The following PCDHGA1 variants were observed in gnomAD, a reference collection of about 807,000 sequenced individuals.
PCDHGA1 encodes the protein protocadherin gamma subfamily A, 1, also known as protocadherin gamma-A1.
Under a neutral mutation model 58.0 loss-of-function variants are expected in PCDHGA1, and 32 were observed. That is an observed-to-expected ratio of 0.55 (90% CI 0.42 to 0.74). The LOEUF is 0.74. PCDHGA1 is among the 30% of genes least tolerant of loss of function. The probability of loss-of-function intolerance (pLI) is 0.00; values close to 1 mark genes in which losing one functional copy is unlikely to be tolerated. For synonymous variants in PCDHGA1, 498 were observed against 501.1 expected (o/e 0.99, Z 0.08); for missense variants, 1,205 against 1,182.3 (o/e 1.02, Z -0.28).
At chr5:141,384,904 C>G (rs1780643857) in intron 1 of PCDHGA1, 1 of 1,613,886 alleles carries the variant, frequency 6.2e-7, no homozygotes, top group Admixed American at 1.7e-5. Context: ...TGACAGCATC[C>G]CCGAAGTCTT....
Position 141,332,094 on chromosome 5 carries a change from C to A in PCDHGA1, c.1410C>A (p.Ser470=), listed in dbSNP as rs894886972. Residue 470 remains serine (S), a synonymous_variant, in exon 1 of 4, where the codon TCC becomes TCA. Transcript: ENST00000517417. The surrounding 1 kb of genome is among the most constrained non-coding windows in gnomAD (Gnocchi z 4.6). Reference sequence around the variant, plus strand: ...CCGAAAACAACCCCAGAGGAGCCTCCATCTTCTCTGTGAGGGCCCACGACT... The same window carrying A: ...CCGAAAACAACCCCAGAGGAGCCTCAATCTTCTCTGTGAGGGCCCACGACT... ...YIPENNPRGA[S]IFSVRAHDLD... is the part of the protein sequence containing the mutation. 3.1e-6 allele frequency: 5 copies of A among 1,614,164 alleles called. No homozygotes were observed. The highest frequency in any genetic ancestry group is 4.2e-6 in the Non-Finnish European group (5 of 1,180,022).
At chr5:141,361,859 T>C in intron 1 of PCDHGA1, 4 of 1,612,236 alleles carry the variant, frequency 2.5e-6, no homozygotes, top group Non-Finnish European at 3.4e-6. Flanking sequence ...TCCGCCCTCT[T>C]CGATATGGTG....
intron 1 of PCDHGA1, chr5:141,333,404 A>C: frequency 2.2e-6 from 1 of 455,120 alleles, no homozygotes; most frequent in Non-Finnish European, 3.6e-6. Context: ...TCTAGCTTCT[A>C]ACATTTTCTT....
intron 1 of PCDHGA1, chr5:141,351,499 C>A: frequency 6.2e-7 from 1 of 1,614,022 alleles, no homozygotes; most frequent in Non-Finnish European, 8.5e-7. Context: ...AGACAGCAGA[C>A]TACAACGTCA....
At chr5:141,394,189 C>T (rs543330174) in intron 1 of PCDHGA1, 1 of 1,613,892 alleles carries the variant, frequency 6.2e-7, no homozygotes, top group Admixed American at 1.7e-5. Flanking sequence ...TCCTACTCAG[C>T]GTATATCCTA....
chr5:141,446,854 C>T (rs1474444931), intron 1 of PCDHGA1, among the ~76,000 whole-genome samples: 1 of 152,134 alleles, frequency 6.6e-6, no homozygotes, highest in Non-Finnish European at 1.5e-5. Context: ...AATAAGCTTC[C>T]TGATAGCTCT....
At chr5:141,434,698 A>G (rs2097710714) in intron 1 of PCDHGA1, among the ~76,000 whole-genome samples, 1 of 152,070 alleles carries the variant, frequency 6.6e-6, no homozygotes, top group South Asian at 2.1e-4. Context: ...GTTAATAAAT[A>G]TGTGGGTAAA....
At chr5:141,340,196 G>A (rs968680709) in intron 1 of PCDHGA1, 1 of 1,613,994 alleles carries the variant, frequency 6.2e-7, no homozygotes, top group African/African-American at 1.3e-5. Flanking sequence ...TACAACCAGA[G>A]CCCTTGACAG....
intron 1 of PCDHGA1, chr5:141,405,646 T>G: frequency 1.9e-6 from 1 of 526,208 alleles, no homozygotes; most frequent in East Asian, 3.2e-5. Flanking sequence ...GGCTAATTTT[T>G]TGTGTGTTTT....
At chr5:141,427,480 A>G in intron 1 of PCDHGA1, 1 of 531,758 alleles carries the variant, frequency 1.9e-6, no homozygotes, top group South Asian at 1.5e-5. Context: ...GCCAATAATG[A>G]CTATAAGCTT....
chr5:141,465,786 T>G (rs1236517595), intron 1 of PCDHGA1, among the ~76,000 whole-genome samples: 1 of 152,136 alleles, frequency 6.6e-6, no homozygotes, highest in Non-Finnish European at 1.5e-5. Flanking sequence ...ACAGTTTTTT[T>G]TTTTTTAAGA....
chr5:141,395,148 C>T (rs1288484224), intron 1 of PCDHGA1: 19 of 1,614,078 alleles, frequency 1.2e-5, no homozygotes, highest in Non-Finnish European at 1.6e-5. Context: ...CGCAGACATG[C>T]TCATCAGTCA....
intron 1 of PCDHGA1, among the ~76,000 whole-genome samples, chr5:141,449,030 G>C (rs2098623784): frequency 6.6e-6 from 1 of 152,012 alleles, no homozygotes; most frequent in Non-Finnish European, 1.5e-5. Context: ...GCATTCCTTT[G>C]GATTATTAAC....
At chr5:141,403,056 T>A in intron 1 of PCDHGA1, 1 of 1,614,046 alleles carries the variant, frequency 6.2e-7, no homozygotes, top group Non-Finnish European at 8.5e-7. Flanking sequence ...CGCTACTCAG[T>A]GCCTGAAGAG....
In PCDHGA1 at chr5:141,485,216, G is replaced by C. The variant is rs757059807; in HGVS notation, c.2422-9591G>C. On this transcript the variant is annotated intron_variant, in intron 1 of 3. Transcript: ENST00000517417. The surrounding 1 kb of genome is among the most constrained non-coding windows in gnomAD (Gnocchi z 5.7). ...AAGCTGGACAGAAATCTGGCGGTGG[G>C]CTACCCTTTTGTTCCTCTTTTACCA... 2.5e-6 allele frequency: 4 copies of C among 1,614,144 alleles called. No homozygotes were observed. In the South Asian group the frequency reaches 4.4e-5, roughly 18 times the overall value.
chr5:141,400,209 G>T (rs371270054), intron 1 of PCDHGA1: 8 of 1,613,934 alleles, frequency 5.0e-6, no homozygotes, highest in African/African-American at 2.7e-5. Flanking sequence ...CCTTGGCCTT[G>T]ATCTCAGTGC....
chr5:141,487,529 A>G lies in PCDHGA1; in HGVS notation c.2422-7278A>G, dbSNP rs772843725. ...TGCACCCACTCGGAGTGATAGCTTCATGATGGTGAAGTCACCCAGTGCACC... is the reference window on the plus strand; with the variant it reads ...TGCACCCACTCGGAGTGATAGCTTCGTGATGGTGAAGTCACCCAGTGCACC... On this transcript the variant is annotated intron_variant, in intron 1 of 3. Coordinates refer to ENST00000517417, the MANE Select transcript of PCDHGA1 (RefSeq NM_018912.3). The surrounding 1 kb of genome is among the most constrained non-coding windows in gnomAD (Gnocchi z 5.0). The G allele has an allele frequency of 2.0e-5, 32 of 1,614,168 alleles. No individual in the cohort carries two copies. Among genetic ancestry groups the G allele is most frequent in the Non-Finnish European group, 2.5e-5 (29 of 1,180,040 alleles).
At chr5:141,413,389 T>C (rs370906684) in intron 1 of PCDHGA1, 1 of 1,613,986 alleles carries the variant, frequency 6.2e-7, no homozygotes, top group South Asian at 1.1e-5. Context: ...CCGCATAGTC[T>C]CCAGAGGTAG....
rs760095389 is a variant in PCDHGA1, at chr5:141,486,731, A to G, written c.2422-8076A>G. On this transcript the variant is annotated intron_variant, in intron 1 of 3. Transcript: ENST00000517417. The surrounding 1 kb of genome is among the most constrained non-coding windows in gnomAD (Gnocchi z 5.0). ...CCCCCAGACAGGAGCTGTTCATGCT[A>G]CTCGATCCTTTGACTATGAGCAAAC... The G allele has an allele frequency of 6.2e-7, 1 of 1,614,060 alleles. No individual in the cohort carries two copies. Among genetic ancestry groups the G allele is most frequent in the Non-Finnish European group, 8.5e-7 (1 of 1,180,012 alleles).
Sources: allele counts gnomAD v4.1 joint callset (sites outside exome capture counted in the v4.1 genomes callset), GRCh38; gene constraint gnomAD v4.1.1; non-coding constraint Gnocchi (gnomAD v3.1); transcripts MANE v1.5; gene names NCBI Gene and HGNC (gene_info 2026-07-23, HGNC 2026-07-21).